Variants in LRRTM4 observed in about 807,000 individuals in gnomAD.
LRRTM4 encodes leucine rich repeat transmembrane neuronal 4.
A neutral mutation model predicts 47.6 loss-of-function variants in LRRTM4; 25 were observed. That is an observed-to-expected ratio of 0.53 (90% CI 0.38 to 0.73). The LOEUF is 0.73. Among genes scored for constraint, LRRTM4 ranks in the 30% least tolerant of loss-of-function variants. The probability of loss-of-function intolerance (pLI) is 0.00; values close to 1 mark genes in which losing one functional copy is unlikely to be tolerated. For synonymous variants in LRRTM4, 311 were observed against 269.5 expected (o/e 1.15, Z -1.51); for missense variants, 638 against 713.4 (o/e 0.89, Z 1.20).
intron 3 of LRRTM4, among the ~76,000 whole-genome samples, chr2:77,426,568 A>T (rs1048586769): frequency 6.6e-6 from 1 of 152,162 alleles, no homozygotes; most frequent in African/African-American, 2.4e-5. Context: ...GGAGGCACCC[A>T]GTGGGAAGTA....
intron 3 of LRRTM4, among the ~76,000 whole-genome samples, chr2:77,083,822 T>TTTTTTTTTTTTTTTTTTC (rs1558569872): frequency 8.3e-6 from 1 of 119,838 alleles, no homozygotes; most frequent in Admixed American, 9.3e-5. Flanking sequence ...TTTTTTTTTT[T>TTTTTTTTTTTTTTTTTTC]CAGACGGAGT....
At chr2:76,789,411 CA>C (rs909012016) in intron 3 of LRRTM4, among the ~76,000 whole-genome samples, 3 of 152,162 alleles carry the variant, frequency 2.0e-5, no homozygotes, top group African/African-American at 7.2e-5. Context: ...TTTCCCAAAA[CA>C]ATCAACTTCA....
In LRRTM4 at chr2:76,749,065, T is replaced by C. The variant is rs114643266; in HGVS notation, c.1552-149A>G. 0.011 allele frequency: 7,135 copies of C among 645,374 alleles called. 382 individuals carry two copies. The African/African-American group carries it at 0.11, about 10-fold the overall frequency. The allele number at this position is 645,374 out of a possible 1,614,324, so 40.0% of individuals were successfully genotyped here. On this transcript the variant is annotated intron_variant, in intron 3 of 3. Coordinates refer to ENST00000409884, the MANE Select transcript of LRRTM4 (RefSeq NM_001134745.3). ...CTACAAATAAACATTAACAAAATGATGATTACTATTTAACTCAATATTGTT... is the reference window on the plus strand; with the variant it reads ...CTACAAATAAACATTAACAAAATGACGATTACTATTTAACTCAATATTGTT...
chr2:77,391,266 A>G (rs1235448133), intron 3 of LRRTM4, among the ~76,000 whole-genome samples: 2 of 152,012 alleles, frequency 1.3e-5, no homozygotes, highest in East Asian at 3.9e-4. Flanking sequence ...CTATTTGCTT[A>G]TATTTGCACA....
chr2:77,385,741 C>CT (rs33978835), intron 3 of LRRTM4, among the ~76,000 whole-genome samples: 4,571 of 82,314 alleles, frequency 0.056, 491 homozygotes, highest in African/African-American at 0.13. Context: ...GTACATGGTA[C>CT]TTTTTTTTTT....
At chr2:77,521,620 C>T in intron 2 of LRRTM4, 48 bp downstream of exon 2, 1 of 1,610,494 alleles carries the variant, frequency 6.2e-7, no homozygotes, top group Non-Finnish European at 8.5e-7. Context: ...GGATAGGAAG[C>T]CAAGAGGATC....
chr2:77,090,565 C>T (rs570963222), intron 3 of LRRTM4, among the ~76,000 whole-genome samples: 1 of 152,228 alleles, frequency 6.6e-6, no homozygotes, highest in East Asian at 1.9e-4. Flanking sequence ...AAACCCCAGC[C>T]ACATCTCCAG....
intron 3 of LRRTM4, among the ~76,000 whole-genome samples, chr2:77,208,394 TGAA>T (rs1212071864): frequency 6.6e-6 from 1 of 152,132 alleles, no homozygotes; most frequent in Non-Finnish European, 1.5e-5. Context: ...CATAATTATT[TGAA>T]GAAGGAATTT....
chr2:76,909,770 G>A (rs1673982715), intron 3 of LRRTM4, among the ~76,000 whole-genome samples: 1 of 152,186 alleles, frequency 6.6e-6, no homozygotes, highest in South Asian at 2.1e-4. Flanking sequence ...GACTATCAGA[G>A]AAATGCAAAT....
At chr2:76,994,080 T>A (rs937161634) in intron 3 of LRRTM4, among the ~76,000 whole-genome samples, 14 of 151,786 alleles carry the variant, frequency 9.2e-5, no homozygotes, top group Admixed American at 6.6e-4. Flanking sequence ...CATACCAATG[T>A]CCACGGCAAC....
chr2:77,134,374 A>T (rs1671877916), intron 3 of LRRTM4, among the ~76,000 whole-genome samples: 1 of 152,188 alleles, frequency 6.6e-6, no homozygotes, highest in Non-Finnish European at 1.5e-5. Context: ...TTTGAGGTTG[A>T]TGACTCTGTC....
At chr2:76,969,441 C>T (rs1417978731) in intron 3 of LRRTM4, among the ~76,000 whole-genome samples, 1 of 151,858 alleles carries the variant, frequency 6.6e-6, no homozygotes, top group African/African-American at 2.4e-5. Context: ...AAATACAACT[C>T]TGGAAAAGTT....
At chr2:76,932,745 A>C (rs116317851) in intron 3 of LRRTM4, among the ~76,000 whole-genome samples, 2,103 of 152,170 alleles carry the variant, frequency 0.014, 34 homozygotes, top group African/African-American at 0.047. Flanking sequence ...TGTTCTCTCT[A>C]TATATACATA....
At chr2:77,495,693 A>T (rs887689074) in intron 3 of LRRTM4, among the ~76,000 whole-genome samples, 8 of 151,922 alleles carry the variant, frequency 5.3e-5, no homozygotes, top group African/African-American at 1.9e-4. Context: ...AGTTGTCCAT[A>T]TATGTGTGGG....
chr2:76,944,247 T>C (rs1358262874), intron 3 of LRRTM4, among the ~76,000 whole-genome samples: 1 of 152,132 alleles, frequency 6.6e-6, no homozygotes, highest in Non-Finnish European at 1.5e-5. Context: ...AATTCCTCTC[T>C]TTTATGCTCC....
intron 3 of LRRTM4, among the ~76,000 whole-genome samples, chr2:77,209,624 C>T (rs1674237412): frequency 6.6e-6 from 1 of 151,940 alleles, no homozygotes; most frequent in Admixed American, 6.6e-5. Flanking sequence ...GTCAACCTGC[C>T]CATATACCTG....
Position 76,948,050 on chromosome 2 carries a change from G to C in LRRTM4, c.1552-199134C>G, listed in dbSNP as rs193095093. Among the ~76,000 whole-genome samples the C allele has an allele frequency of 2.0e-5, 3 of 151,892 alleles. No individual in the cohort carries two copies. The East Asian group carries it at 5.8e-4, about 30-fold the overall frequency. On this transcript the variant is annotated intron_variant, in intron 3 of 3. Transcript: ENST00000409884. ...TCCTCAAACTATTTTCTTTGTAACA[G>C]GATGGAGAAGAAAGAAGCTTTGAGT...
chr2:77,123,879 C>T (rs1427529495), intron 3 of LRRTM4, among the ~76,000 whole-genome samples: 1 of 152,034 alleles, frequency 6.6e-6, no homozygotes, highest in Non-Finnish European at 1.5e-5. Flanking sequence ...AGCTCATCTT[C>T]CTGGGACGTT....
chr2:76,782,994 A>C (rs1674482821), intron 3 of LRRTM4, among the ~76,000 whole-genome samples: 1 of 152,122 alleles, frequency 6.6e-6, no homozygotes, highest in African/African-American at 2.4e-5. Context: ...TTTAATCTTT[A>C]TTCTTGTTCA....
Sources: gnomAD v4.1 joint callset for allele counts (sites outside exome capture counted in the v4.1 genomes callset) on GRCh38, gnomAD v4.1.1 for gene constraint, MANE v1.5 for transcripts, NCBI Gene and HGNC (gene_info 2026-07-23, HGNC 2026-07-21) for gene names.